Variants in SPTBN2 observed in about 807,000 individuals in gnomAD.
SPTBN2 encodes spectrin beta chain, non-erythrocytic 2.
A neutral mutation model predicts 284.2 loss-of-function variants in SPTBN2; 107 were observed. The ratio of observed to expected loss-of-function variants is 0.38; its 90% CI spans 0.32 to 0.44. The LOEUF (loss-of-function observed/expected upper bound fraction) is 0.44. Among genes scored for constraint, SPTBN2 ranks in the 20% least tolerant of loss-of-function variants. The pLI, the probability that SPTBN2 is intolerant of heterozygous loss-of-function variation, is 1.00. For synonymous variants in SPTBN2, 1,289 were observed against 1,354.8 expected (o/e 0.95, Z 1.07); for missense variants, 2,569 against 3,287.1 (o/e 0.78, Z 5.34).
rs1940282459 is a variant in SPTBN2 at position 66,688,252 on chromosome 11, C to T, written c.6291G>A (p.Gln2097=). Residue 2097 remains glutamine, a synonymous_variant, in exon 32 of 38, where the codon CAG becomes CAA. Transcript: ENST00000533211. ...TGGCTGTGGGTTCGGGAGCAGGCGG[C>T]TGTTTCCGCCGCTCCTCCTCCTCCC... ...RKREEEERRK[Q]PPAPEPTASV... 1 of 1,613,084 alleles carries T rather than the reference C, an allele frequency of 6.2e-7. No individual in the cohort carries two copies. Among genetic ancestry groups the T allele is most frequent in the African/African-American group, 1.3e-5 (1 of 75,048 alleles).
At chr11:66,704,384 A>G (rs576887923) in intron 15 of SPTBN2, among the ~76,000 whole-genome samples, 34 of 152,250 alleles carry the variant, frequency 2.2e-4, no homozygotes, top group Non-Finnish European at 4.1e-4. Flanking sequence ...GATGTTGGCA[A>G]TGACTGAATC....
chr11:66,722,042 T>C (rs1019193392), intron 1 of SPTBN2, among the ~76,000 whole-genome samples: 3 of 151,796 alleles, frequency 2.0e-5, no homozygotes, highest in Admixed American at 6.6e-5. Context: ...TAAGAAAAAG[T>C]TATGATACGC....
At chr11:66,705,914 C>T (rs1941531467) in intron 13 of SPTBN2, 77 bp from the exon 14 acceptor site, 1 of 1,550,962 alleles carries the variant, frequency 6.4e-7, no homozygotes, top group Admixed American at 1.9e-5. Context: ...CTTCCAACTT[C>T]TCCACGGCCC....
At chr11:66,711,117 C>T in intron 8 of SPTBN2, 88 bp from the exon 9 acceptor site, 2 of 1,051,550 alleles carry the variant, frequency 1.9e-6, no homozygotes, top group Non-Finnish European at 3.0e-6. Context: ...CTGCCCAGTC[C>T]TCCAAGGCTG....
At position 66,693,005 on chromosome 11, in the gene SPTBN2, G is replaced by C; in HGVS notation, c.4950C>G (p.Ser1650Arg). Reference protein sequence around the residue: ...YAQTIHQLAASSQDMIDHEHP... With the variant: ...YAQTIHQLAARSQDMIDHEHP... ...GCTCGTGGTCAATCATGTCCTGGCT[G>C]CTGGCCGCCAGCTGGTGGATGGTCT... Residue 1650 changes from serine to arginine, a missense_variant, in exon 25 of 38, where the codon AGC (serine) becomes AGG (arginine). Ser to Arg is a moderately radical substitution (Grantham distance 110). This residue lies in a region of SPTBN2 where 1,130 missense variants were observed against 1,317.3 expected (regional missense o/e 0.86). Transcript: ENST00000533211. This position sits in a 1 kb window ranked among gnomAD's most constrained non-coding sequence, Gnocchi z 5.7. 1 of 1,610,162 alleles carries C rather than the reference G, an allele frequency of 6.2e-7. No homozygotes were observed. Among genetic ancestry groups the C allele is most frequent in the Non-Finnish European group, 8.5e-7 (1 of 1,179,992 alleles).
upstream of SPTBN2, among the ~76,000 whole-genome samples, chr11:66,729,677 G>GT (rs1361891150): frequency 6.6e-6 from 1 of 152,154 alleles, no homozygotes; most frequent in East Asian, 1.9e-4. Flanking sequence ...TGGGAGGAGG[G>GT]TTGGGGAGTT....
chr11:66,697,234 C>T (rs1434444243), intron 20 of SPTBN2, among the ~76,000 whole-genome samples: 1 of 152,118 alleles, frequency 6.6e-6, no homozygotes, highest in Non-Finnish European at 1.5e-5. Context: ...CATGGCTCCA[C>T]CCCCCTACTG....
intron 3 of SPTBN2, among the ~76,000 whole-genome samples, chr11:66,716,487 AAAAAGAAAAG>A (rs768750272): frequency 1.5e-4 from 23 of 152,154 alleles, no homozygotes; most frequent in East Asian, 7.7e-4. Context: ...CTCAAAAAAA[AAAAAGAAAAG>A]AAAAGAAAAG....
At chr11:66,696,641 T>C (rs1940933196) in intron 20 of SPTBN2, 101 bp from the exon 21 acceptor site, 2 of 1,488,936 alleles carry the variant, frequency 1.3e-6, no homozygotes, top group African/African-American at 1.4e-5. Context: ...ACCTGAAGTG[T>C]GGGCAATAAT....
At chr11:66,711,112 C>T (rs550683611) in intron 8 of SPTBN2, 83 bp from the exon 9 acceptor site, 1 of 1,129,298 alleles carries the variant, frequency 8.9e-7, no homozygotes, top group Admixed American at 1.8e-5. Context: ...TGGGCCTGCC[C>T]AGTCCTCCAA....
rs984490302 is a variant in SPTBN2, at chr11:66,684,317, C to T, written c.*1554G>A. Among the ~76,000 whole-genome samples the T allele has an allele frequency of 2.6e-5, 4 of 152,204 alleles. No individual in the cohort carries two copies. The highest frequency in any genetic ancestry group is 9.7e-5 in the African/African-American group (4 of 41,442). ...AGAGACAAAGGAGAAGCCACCCGCT[C>T]CTTTCTAATACTTCATCAGATCCAG... is the stretch of plus-strand genomic sequence containing the variant. On this transcript the variant is annotated 3_prime_UTR_variant, in exon 38 of 38. Transcript: ENST00000533211.
At position 66,699,001 on chromosome 11, in the gene SPTBN2, A is replaced by G. The variant is rs140644044; in HGVS notation, c.3858T>C (p.Asp1286=). 8 of 1,614,180 alleles carry G rather than the reference A, an allele frequency of 5.0e-6. No homozygotes were observed. The highest frequency in any genetic ancestry group is 6.8e-6 in the Non-Finnish European group (8 of 1,180,024). Reference sequence around the variant, plus strand: ...CCCCAGGGAGCCTCACCTCGTGACAATCTTGCAGGAAATGCTGCTGCTCCC... The same window carrying G: ...CCCCAGGGAGCCTCACCTCGTGACAGTCTTGCAGGAAATGCTGCTGCTCCC... ...DNREQQHFLQ[D]CHELKLWIDE... The change falls in exon 19 of 38, where the codon GAT becomes GAC. Residue 1286 remains aspartate, a synonymous_variant. Coordinates refer to ENST00000533211, the MANE Select transcript of SPTBN2 (RefSeq NM_006946.4).
At chr11:66,703,063 AT>A (rs1182698894) in intron 15 of SPTBN2, among the ~76,000 whole-genome samples, 1 of 151,714 alleles carries the variant, frequency 6.6e-6, no homozygotes, top group Non-Finnish European at 1.5e-5. Context: ...ACTAAAAAAA[AT>A]CTTTAATTAC....
rs2135262696 is a variant in SPTBN2, at chr11:66,682,581, GTATT to G, written c.*3286_*3289del. ...ACACATAATCAATATAAAAATTAAGGTATTTAAAGTTGTTGTCCTCTTCCATGCT... is the reference window on the plus strand; with the variant it reads ...ACACATAATCAATATAAAAATTAAGGTAAAGTTGTTGTCCTCTTCCATGCT... On this transcript the variant is annotated 3_prime_UTR_variant, in exon 38 of 38. Transcript: ENST00000533211. Among the ~76,000 whole-genome samples, 1 of 152,150 alleles carries G rather than the reference GTATT, an allele frequency of 6.6e-6. No individual in the cohort carries two copies. The highest frequency in any genetic ancestry group is 6.6e-5 in the Admixed American group (1 of 15,256).
chr11:66,739,640 T>C (rs144081146), intron 1 of SPTBN2, among the ~76,000 whole-genome samples: 66 of 152,362 alleles, frequency 4.3e-4, no homozygotes, highest in African/African-American at 1.6e-3. Context: ...CAGTGCTGTT[T>C]GCATTCCCAA....
At chr11:66,713,342 G>T (rs970029819) in intron 8 of SPTBN2, among the ~76,000 whole-genome samples, 1 of 151,534 alleles carries the variant, frequency 6.6e-6, no homozygotes, top group East Asian at 2.0e-4. Context: ...GTAGTCATGG[G>T]GTCTCACTAT....
At position 66,685,790 on chromosome 11, in the gene SPTBN2, G is replaced by A; in HGVS notation, c.*81C>T. 2 of 1,387,244 alleles carry A rather than the reference G, an allele frequency of 1.4e-6. No individual in the cohort carries two copies. Among genetic ancestry groups the A allele is most frequent in the Non-Finnish European group, 2.0e-6 (2 of 979,430 alleles). 85.9% of individuals were successfully genotyped at this position (1,387,244 alleles called of 1,614,324 possible). ...GACCCTAGCAGCAGGCAGTTGTCCTGACAAGAGGGCGGTCCCTGTCGACTG... is the reference window on the plus strand; with the variant it reads ...GACCCTAGCAGCAGGCAGTTGTCCTAACAAGAGGGCGGTCCCTGTCGACTG... On this transcript the variant is annotated 3_prime_UTR_variant, in exon 38 of 38. Transcript: ENST00000533211. This position sits in a 1 kb window ranked among gnomAD's most constrained non-coding sequence, Gnocchi z 4.4.
rs548188891 is a variant in SPTBN2 at position 66,704,817 on chromosome 11, G to A, written c.2459C>T (p.Thr820Met). The A allele has an allele frequency of 1.4e-4, 227 of 1,606,392 alleles. No homozygotes were observed. The East Asian group carries it at 2.3e-3, about 16-fold the overall frequency. ...GGGCACCCGGCTCTGCACCTCGGGC[G>A]TGCGGCTCAGTGTGGGGGGCAGGGC... ...AAALPPTLSRTPEVQSRVPTL... is the reference protein window; with the variant it reads ...AAALPPTLSRMPEVQSRVPTL... Residue 820 changes from threonine (T) to methionine (M), a missense_variant, in exon 15 of 38, where the codon ACG (threonine) becomes ATG (methionine). Thr to Met is a moderately conservative substitution (Grantham distance 81). This residue lies in a region of SPTBN2 where 1,012 missense variants were observed against 1,248.9 expected (regional missense o/e 0.81). Transcript: ENST00000533211.
At position 66,694,296 on chromosome 11, in the gene SPTBN2, A is replaced by G. The variant is rs1339352009; in HGVS notation, c.4346T>C (p.Leu1449Pro). ...CCCTGCACCCTGGTCCTCCTGGGCC[A>G]GTGCTTTGGCCTGGGCCTGGATTGC... ...VEAIQAQAKA[L>P]AQEDQGAGEV... Residue 1449 changes from leucine (L) to proline (P), a missense_variant, in exon 22 of 38, where the codon CTG (leucine) becomes CCG (proline). Around this residue, in one of 6 missense-constraint regions of SPTBN2, gnomAD observed 1,130 missense variants for 1,317.3 expected, o/e 0.86. Coordinates refer to ENST00000533211, the MANE Select transcript of SPTBN2 (RefSeq NM_006946.4). 1 of 1,614,208 alleles carries G rather than the reference A, an allele frequency of 6.2e-7. No homozygotes were observed. Among genetic ancestry groups the G allele is most frequent in the Non-Finnish European group, 8.5e-7 (1 of 1,180,032 alleles).
Sources: gnomAD v4.1 joint callset for allele counts (sites outside exome capture counted in the v4.1 genomes callset) on GRCh38, gnomAD v4.1.1 for gene constraint, gnomAD v4.1.1 regional missense constraint, Gnocchi (gnomAD v3.1) non-coding constraint, MANE v1.5 for transcripts, NCBI Gene and HGNC (gene_info 2026-07-23, HGNC 2026-07-21) for gene names.